The following FRMD4A variants were observed in gnomAD, a reference collection of about 807,000 sequenced individuals.
FRMD4A encodes FERM domain-containing protein 4A.
FRMD4A carries 29 observed loss-of-function variants against 129.1 expected under a neutral mutation model. The ratio of observed to expected loss-of-function variants is 0.22; its 90% CI spans 0.17 to 0.31. The LOEUF (loss-of-function observed/expected upper bound fraction) is 0.31. Ranked by LOEUF, FRMD4A falls within the 10% of genes least tolerant of loss-of-function variation. The pLI is 1.00. For missense variants in FRMD4A, 1,272 were observed against 1,375.8 expected (o/e 0.92, Z 1.19); for synonymous variants, 634 against 571.6 (o/e 1.11, Z -1.56).
intron 13 of FRMD4A, among the ~76,000 whole-genome samples, chr10:13,705,234 C>T (rs757463544): frequency 1.3e-5 from 2 of 152,152 alleles, no homozygotes; most frequent in African/African-American, 4.8e-5. Context: ...GTCTAATAGG[C>T]GACAGGCCCA....
intron 2 of FRMD4A, among the ~76,000 whole-genome samples, chr10:14,002,197 T>A (rs887010504): frequency 6.6e-6 from 1 of 152,190 alleles, no homozygotes; most frequent in Non-Finnish European, 1.5e-5. Context: ...ACCTAAAGTA[T>A]TGGAATAATT....
chr10:14,042,698 C>G (rs1274416764), intron 2 of FRMD4A, among the ~76,000 whole-genome samples: 1 of 151,956 alleles, frequency 6.6e-6, no homozygotes. Context: ...CGCAGTGGCT[C>G]ATGCCTGTAA....
intron 12 of FRMD4A, 144 bp from the exon 13 acceptor site, chr10:13,707,257 G>GACACACACACACACAT (rs2087553382): frequency 1.5e-6 from 1 of 683,604 alleles, no homozygotes; most frequent in Non-Finnish European, 2.3e-6. Flanking sequence ...CCTCTTGCTT[G>GACACACACACACACAT]ACACACACAC....
chr10:13,695,127 G>C (rs1229408360), intron 14 of FRMD4A, among the ~76,000 whole-genome samples: 1 of 151,148 alleles, frequency 6.6e-6, no homozygotes, highest in Non-Finnish European at 1.5e-5. Context: ...ATTCCTAAAA[G>C]CAGCGGTTTT....
intron 2 of FRMD4A, among the ~76,000 whole-genome samples, chr10:14,149,843 G>A: frequency 6.6e-6 from 1 of 152,158 alleles, no homozygotes; most frequent in East Asian, 1.9e-4. Context: ...TCTCCTTCCT[G>A]TAGGTCCTGT....
chr10:14,009,242 T>C (rs576779252), intron 2 of FRMD4A, among the ~76,000 whole-genome samples: 1 of 152,328 alleles, frequency 6.6e-6, no homozygotes, highest in Non-Finnish European at 1.5e-5. Context: ...AATCGGCTTA[T>C]TTCCATAGCA....
chr10:13,799,139 T>C lies in FRMD4A; in HGVS notation c.207-2551A>G, dbSNP rs182704005. On this transcript the variant is annotated intron_variant, in intron 4 of 24. Coordinates refer to ENST00000357447, the MANE Select transcript of FRMD4A (RefSeq NM_018027.5). The stretch of plus-strand genomic sequence containing the variant: ...AGAACTTGCTCTCTATGCATTCATT[T>C]TCCCCAGCTGACTTTTTAAAATTTA... 3.0e-4 allele frequency among the ~76,000 whole-genome samples: 46 copies of C among 152,356 alleles called. 1 individual carries two copies. The highest frequency in any genetic ancestry group is 3.0e-3 in the Admixed American group (46 of 15,300).
rs774809966 is a variant in FRMD4A at position 13,659,444 on chromosome 10, C to T, written c.1945G>A (p.Gly649Arg). Residue 649 changes from glycine to arginine, a missense_variant, in exon 21 of 25, where the codon GGA becomes AGA. Coordinates refer to ENST00000357447, the MANE Select transcript of FRMD4A (RefSeq NM_018027.5). ...CTGTTCTGCAAGGAGTTGCTTCCTC[C>T]GCCGGCTTCCGCACAGCTTCCTGTG... ...PSTGSCAEAGGGSNSLQNSPI... is the reference protein window; with the variant it reads ...PSTGSCAEAGRGSNSLQNSPI... The T allele has an allele frequency of 1.6e-5, 26 of 1,613,732 alleles. No homozygotes were observed. In the Admixed American group the frequency reaches 1.7e-4, roughly 10 times the overall value.
intron 2 of FRMD4A, among the ~76,000 whole-genome samples, chr10:13,890,015 T>C (rs1168133495): frequency 6.6e-6 from 1 of 152,206 alleles, no homozygotes; most frequent in African/African-American, 2.4e-5. Flanking sequence ...AAACTTCCTT[T>C]GCAACAGAAT....
intron 2 of FRMD4A, among the ~76,000 whole-genome samples, chr10:14,285,080 A>T (rs931413270): frequency 1.3e-5 from 2 of 152,258 alleles, no homozygotes; most frequent in Admixed American, 6.5e-5. Context: ...GCAATAATCT[A>T]AATATCTAAG....
At chr10:14,189,513 G>A (rs1191618442) in intron 2 of FRMD4A, among the ~76,000 whole-genome samples, 2 of 152,118 alleles carry the variant, frequency 1.3e-5, no homozygotes, top group Non-Finnish European at 2.9e-5. Flanking sequence ...GGCGGAGGTT[G>A]CAGTGAGCTG....
At chr10:13,785,426 G>A (rs1461383089) in intron 5 of FRMD4A, among the ~76,000 whole-genome samples, 1 of 152,088 alleles carries the variant, frequency 6.6e-6, no homozygotes, top group African/African-American at 2.4e-5. Context: ...TCTGGAGCAG[G>A]TGTCTTATAT....
chr10:13,689,675 C>T (rs921352633), intron 15 of FRMD4A, among the ~76,000 whole-genome samples: 1 of 151,736 alleles, frequency 6.6e-6, no homozygotes, highest in Non-Finnish European at 1.5e-5. Context: ...GCCTCAGCCT[C>T]CCAAGTAGTG....
intron 15 of FRMD4A, among the ~76,000 whole-genome samples, chr10:13,677,264 A>T (rs2084088088): frequency 6.6e-6 from 1 of 152,192 alleles, no homozygotes; most frequent in African/African-American, 2.4e-5. Flanking sequence ...TAGAGAATAT[A>T]TCTGTCACCG....
chr10:14,005,796 C>T (rs2095660117), intron 2 of FRMD4A, among the ~76,000 whole-genome samples: 1 of 152,194 alleles, frequency 6.6e-6, no homozygotes, highest in Non-Finnish European at 1.5e-5. Flanking sequence ...GATTAAAACT[C>T]TCCACGCCTT....
chr10:14,048,203 C>G (rs1191374564), intron 2 of FRMD4A, among the ~76,000 whole-genome samples: 1 of 152,152 alleles, frequency 6.6e-6, no homozygotes, highest in African/African-American at 2.4e-5. Context: ...AAGATCCCAG[C>G]CAGTGACAGG....
chr10:14,127,056 A>G (rs957961467), intron 2 of FRMD4A, among the ~76,000 whole-genome samples: 1 of 152,214 alleles, frequency 6.6e-6, no homozygotes, highest in African/African-American at 2.4e-5. Flanking sequence ...TAACTGCAGC[A>G]TCATGTAATA....
intron 3 of FRMD4A, among the ~76,000 whole-genome samples, chr10:13,856,762 T>A (rs144842190): frequency 6.6e-6 from 1 of 152,318 alleles, no homozygotes; most frequent in African/African-American, 2.4e-5. Context: ...TGAGGACAAC[T>A]GTTCCCAAAC....
intron 2 of FRMD4A, among the ~76,000 whole-genome samples, chr10:14,277,465 A>T (rs1845381295): frequency 6.6e-6 from 1 of 152,192 alleles, no homozygotes; most frequent in East Asian, 1.9e-4. Context: ...GAATGAGGAG[A>T]GAAGGTGCCA....
Sources: allele counts gnomAD v4.1 joint callset (sites outside exome capture counted in the v4.1 genomes callset), GRCh38; gene constraint gnomAD v4.1.1; transcripts MANE v1.5; gene names NCBI Gene and HGNC (gene_info 2026-07-23, HGNC 2026-07-21).